The following IQCM variants were observed in gnomAD, a reference collection of about 807,000 sequenced individuals.
The protein encoded by IQCM is IQ domain-containing protein M.
IQCM carries 45 observed loss-of-function variants against 57.6 expected under a neutral mutation model. That is an observed-to-expected ratio of 0.78 (90% CI 0.62 to 1.00). The LOEUF (loss-of-function observed/expected upper bound fraction) is 1.00, where lower values mean the gene tolerates loss of function less well. Ranked by LOEUF, IQCM falls within the 50% of genes least tolerant of loss-of-function variation. IQCM has a pLI of 0.00. For synonymous variants in IQCM, 148 were observed against 158.9 expected, an observed-to-expected ratio of 0.93 and a Z score of 0.51; for missense variants, 468 against 511.6, an observed-to-expected ratio of 0.91 and a Z score of 0.82.
At chr4:149,768,622 G>A (rs1480252815) in intron 2 of IQCM, among the ~76,000 whole-genome samples, 1 of 152,124 alleles carries the variant, frequency 6.6e-6, no homozygotes, top group South Asian at 2.1e-4. Flanking sequence ...CCAGCATGCA[G>A]AATTCAGCCT....
At chr4:149,484,588 TA>T (rs1020022125) in intron 12 of IQCM, among the ~76,000 whole-genome samples, 28 of 152,136 alleles carry the variant, frequency 1.8e-4, no homozygotes, top group African/African-American at 5.8e-4. Context: ...CAAAAAAAAT[TA>T]AAAACTCTAC....
chr4:149,429,522 A>T (rs557125348), intron 13 of IQCM, among the ~76,000 whole-genome samples: 1 of 151,876 alleles, frequency 6.6e-6, no homozygotes, highest in African/African-American at 2.4e-5. Context: ...TAGAGAATGT[A>T]TGGTCCTAAT....
At chr4:149,565,770 G>A (rs1020842157) in intron 9 of IQCM, among the ~76,000 whole-genome samples, 1 of 151,932 alleles carries the variant, frequency 6.6e-6, no homozygotes, top group Non-Finnish European at 1.5e-5. Flanking sequence ...GAGGCTGCTA[G>A]TTCTCTTTGT....
chr4:149,686,545 A>G (rs920237962), intron 5 of IQCM, 77 bp from the exon 6 acceptor site: 2 of 505,146 alleles, frequency 4.0e-6, no homozygotes, highest in Non-Finnish European at 6.2e-6. Context: ...TCAATTGCAA[A>G]TCACAGATTT....
chr4:149,723,659 C>T (rs1477826658), intron 5 of IQCM, among the ~76,000 whole-genome samples: 1 of 151,962 alleles, frequency 6.6e-6, no homozygotes, highest in African/African-American at 2.4e-5. Context: ...GGTGAATTAT[C>T]TTTCTGATGC....
intron 13 of IQCM, among the ~76,000 whole-genome samples, chr4:149,405,827 G>GGTGAAAA (rs1268113932): frequency 7.8e-6 from 1 of 128,714 alleles, no homozygotes; most frequent in African/African-American, 2.9e-5. Flanking sequence ...CTCCTAAGGA[G>GGTGAAAA]CATATATATA....
chr4:149,367,811 A>T (rs1302227357), intron 13 of IQCM, among the ~76,000 whole-genome samples: 2 of 152,050 alleles, frequency 1.3e-5, no homozygotes, highest in Non-Finnish European at 2.9e-5. Flanking sequence ...CCAGCAAAAG[A>T]AGTTATTGCT....
chr4:149,513,019 C>A (rs1444951345), intron 12 of IQCM, among the ~76,000 whole-genome samples: 1 of 152,192 alleles, frequency 6.6e-6, no homozygotes, highest in Non-Finnish European at 1.5e-5. Flanking sequence ...AGGCCTAATG[C>A]AGACTAGTGA....
chr4:149,612,641 GGTAACTATGTAACT>G (rs1359294340), intron 8 of IQCM, among the ~76,000 whole-genome samples: 2 of 151,876 alleles, frequency 1.3e-5, no homozygotes, highest in Non-Finnish European at 2.9e-5. Flanking sequence ...GGGTTTTTTT[GGTAACTATGTAACT>G]GTAACTATGT....
At chr4:149,472,081 C>T (rs1476176368) in intron 12 of IQCM, among the ~76,000 whole-genome samples, 1 of 152,202 alleles carries the variant, frequency 6.6e-6, no homozygotes, top group Non-Finnish European at 1.5e-5. Context: ...TGCCCTCTCT[C>T]ACCACTCCTA....
chr4:149,365,791 C>T (rs72724050), intron 13 of IQCM, among the ~76,000 whole-genome samples: 4,169 of 152,118 alleles, frequency 0.027, 105 homozygotes, highest in Middle Eastern at 0.078. Flanking sequence ...CGGTAATCCT[C>T]AAAACTGTCA....
intron 2 of IQCM, among the ~76,000 whole-genome samples, chr4:149,747,837 A>G (rs1768075500): frequency 6.6e-6 from 1 of 152,210 alleles, no homozygotes; most frequent in Non-Finnish European, 1.5e-5. Context: ...ATTCAGGTTA[A>G]TATATTACCC....
At chr4:149,429,308 A>G (rs1369787731) in intron 13 of IQCM, among the ~76,000 whole-genome samples, 1 of 151,900 alleles carries the variant, frequency 6.6e-6, no homozygotes, top group Admixed American at 6.6e-5. Flanking sequence ...CCTTTCCAAA[A>G]ATAAGTGTGA....
chr4:149,583,804 T>C (rs1418470363), intron 9 of IQCM, among the ~76,000 whole-genome samples: 1 of 151,590 alleles, frequency 6.6e-6, no homozygotes, highest in Non-Finnish European at 1.5e-5. Flanking sequence ...TTTGCTTAGA[T>C]ATTGAGGATG....
At chr4:149,768,300 C>T (rs984411496) in intron 2 of IQCM, among the ~76,000 whole-genome samples, 15 of 152,186 alleles carry the variant, frequency 9.9e-5, no homozygotes, top group African/African-American at 2.9e-4. Context: ...TAACTTTGCC[C>T]ACATCACACA....
At chr4:149,675,656 C>T (rs138908002) in intron 7 of IQCM, among the ~76,000 whole-genome samples, 14 of 151,978 alleles carry the variant, frequency 9.2e-5, no homozygotes, top group African/African-American at 2.9e-4. Flanking sequence ...CCTGGAAGTC[C>T]TAGGTGTCTT....
At chr4:149,802,059 A>G (rs572681040) in intron 2 of IQCM, among the ~76,000 whole-genome samples, 10 of 152,006 alleles carry the variant, frequency 6.6e-5, no homozygotes, top group Admixed American at 1.3e-4. Context: ...ATAGAAATAT[A>G]AAACAAAAAA....
chr4:149,613,266 T>C (rs1755468706), intron 8 of IQCM, among the ~76,000 whole-genome samples: 1 of 151,952 alleles, frequency 6.6e-6, no homozygotes, highest in Non-Finnish European at 1.5e-5. Context: ...AATGAGCAAA[T>C]ATGTTTTATA....
intron 8 of IQCM, among the ~76,000 whole-genome samples, chr4:149,608,937 T>A (rs1579683566): frequency 6.6e-6 from 1 of 150,632 alleles, no homozygotes; most frequent in African/African-American, 2.4e-5. Flanking sequence ...AACAACACCA[T>A]GAAGGATCAA....
Sources: allele counts gnomAD v4.1 joint callset (sites outside exome capture counted in the v4.1 genomes callset), GRCh38; gene constraint gnomAD v4.1.1; transcripts MANE v1.5; gene names NCBI Gene and HGNC (gene_info 2026-07-23, HGNC 2026-07-21).